The following CERS6 variants were observed in gnomAD, a reference collection of about 807,000 sequenced individuals.
CERS6 encodes the protein ceramide synthase 6, also known as LAG1 homolog, ceramide synthase 6.
CERS6 carries 26 observed loss-of-function variants against 56.8 expected under a neutral mutation model. That is an observed-to-expected ratio of 0.46 (90% CI 0.34 to 0.63). CERS6 has a LOEUF of 0.63. Among genes scored for constraint, CERS6 ranks in the 30% least tolerant of loss-of-function variants. CERS6 has a pLI of 0.01. For missense variants in CERS6, 415 were observed against 467.5 expected (o/e 0.89, Z 1.04); for synonymous variants, 164 against 173.3 (o/e 0.95, Z 0.42).
intron 3 of CERS6, among the ~76,000 whole-genome samples, chr2:168,589,249 T>C (rs535005524): frequency 1.3e-5 from 2 of 152,342 alleles, no homozygotes; most frequent in East Asian, 3.9e-4. Flanking sequence ...CTCTTTCTTT[T>C]GTAATAGACA....
chr2:168,766,434 T>C (rs1323655318), intron 9 of CERS6: 2 of 1,164,352 alleles, frequency 1.7e-6, no homozygotes, highest in Non-Finnish European at 2.6e-6. Flanking sequence ...TCCACGCATA[T>C]TGTTCTGTCT....
chr2:168,761,257 A>G (rs1159510250), intron 8 of CERS6, among the ~76,000 whole-genome samples: 1 of 152,208 alleles, frequency 6.6e-6, no homozygotes, highest in African/African-American at 2.4e-5. Flanking sequence ...CAGCATCTCA[A>G]AAGTAATCAG....
intron 2 of CERS6, among the ~76,000 whole-genome samples, chr2:168,552,889 CA>C (rs1163052982): frequency 6.6e-6 from 1 of 151,972 alleles, no homozygotes; most frequent in Non-Finnish European, 1.5e-5. Context: ...CTCCTGTTAA[CA>C]AAATTTTCAC....
At chr2:168,661,327 T>C (rs1267691837) in intron 4 of CERS6, among the ~76,000 whole-genome samples, 1 of 152,222 alleles carries the variant, frequency 6.6e-6, no homozygotes, top group Non-Finnish European at 1.5e-5. Context: ...GATTACCTGC[T>C]AGACTAGCAG....
intron 4 of CERS6, among the ~76,000 whole-genome samples, chr2:168,640,140 A>G (rs1440185596): frequency 1.3e-5 from 2 of 152,154 alleles, no homozygotes; most frequent in Non-Finnish European, 2.9e-5. Context: ...GGGTAAAGAG[A>G]GACTGCTGGA....
At chr2:168,663,104 G>A (rs570930256) in intron 4 of CERS6, among the ~76,000 whole-genome samples, 1 of 152,280 alleles carries the variant, frequency 6.6e-6, no homozygotes, top group Non-Finnish European at 1.5e-5. Context: ...CATTCATTTA[G>A]CACCATGTGG....
intron 8 of CERS6, among the ~76,000 whole-genome samples, chr2:168,764,469 G>A (rs557725232): frequency 2.6e-5 from 4 of 152,016 alleles, no homozygotes; most frequent in African/African-American, 9.7e-5. Context: ...AATCATTTTT[G>A]TCAAAAATCC....
chr2:168,679,494 G>A (rs62174390), intron 4 of CERS6, among the ~76,000 whole-genome samples: 5,366 of 152,280 alleles, frequency 0.035, 132 homozygotes, highest in East Asian at 0.14. Flanking sequence ...ATATCCAGAT[G>A]TGTCTATTAG....
At chr2:168,571,861 G>C (rs1018161875) in intron 3 of CERS6, among the ~76,000 whole-genome samples, 1 of 152,212 alleles carries the variant, frequency 6.6e-6, no homozygotes, top group Non-Finnish European at 1.5e-5. Context: ...TTACAATTCA[G>C]TTATTATTGA....
At chr2:168,479,229 G>A (rs1017571450) in intron 1 of CERS6, among the ~76,000 whole-genome samples, 2 of 152,072 alleles carry the variant, frequency 1.3e-5, no homozygotes, top group African/African-American at 4.8e-5. Context: ...AAAACTCTGA[G>A]TTAAAATAAA....
chr2:168,735,970 C>CTT (rs1230871172), intron 8 of CERS6, among the ~76,000 whole-genome samples: 1 of 151,658 alleles, frequency 6.6e-6, no homozygotes, highest in African/African-American at 2.4e-5. Flanking sequence ...CTTTGGGACA[C>CTT]TGAGGCGAAA....
chr2:168,494,111 C>G (rs1300462768), intron 1 of CERS6, among the ~76,000 whole-genome samples: 1 of 152,064 alleles, frequency 6.6e-6, no homozygotes, highest in African/African-American at 2.4e-5. Flanking sequence ...GTCCTTCACC[C>G]TTGTGTTTGT....
At chr2:168,495,604 A>G (rs1694452419) in intron 1 of CERS6, among the ~76,000 whole-genome samples, 1 of 152,182 alleles carries the variant, frequency 6.6e-6, no homozygotes, top group South Asian at 2.1e-4. Flanking sequence ...TAAGTCTTGA[A>G]CGTGGTTGGG....
chr2:168,682,986 G>GATATCTATTAT (rs1161135218), intron 4 of CERS6, among the ~76,000 whole-genome samples: 3 of 152,016 alleles, frequency 2.0e-5, no homozygotes, highest in Admixed American at 1.3e-4. Flanking sequence ...AATTATAATG[G>GATATCTATTAT]ATATCTATGT....
Position 168,470,702 on chromosome 2 carries a change from G to A in CERS6, c.170+14084G>A, listed in dbSNP as rs527697092. ...CTTGCAGAATTGCAAAGGGACTAGG[G>A]AGAGAACAAAAACAGATATGCAGGT... On this transcript the variant is annotated intron_variant, in intron 1 of 9. Transcript: ENST00000305747. Among the ~76,000 whole-genome samples, 10 of 151,500 alleles carry A rather than the reference G, an allele frequency of 6.6e-5. No homozygotes were observed. The East Asian group carries it at 1.6e-3, about 24-fold the overall frequency.
At chr2:168,690,382 A>T (rs375490307) in intron 4 of CERS6, among the ~76,000 whole-genome samples, 1 of 152,164 alleles carries the variant, frequency 6.6e-6, no homozygotes, top group African/African-American at 2.4e-5. Flanking sequence ...CCCCTCCCTG[A>T]TTATTACAAA....
intron 4 of CERS6, among the ~76,000 whole-genome samples, chr2:168,671,814 T>G (rs1371160057): frequency 6.6e-6 from 1 of 152,224 alleles, no homozygotes; most frequent in Non-Finnish European, 1.5e-5. Context: ...ATGTATTTAT[T>G]GAATAGGTGA....
At chr2:168,767,205 A>G (rs1684750639) in intron 9 of CERS6, among the ~76,000 whole-genome samples, 1 of 152,228 alleles carries the variant, frequency 6.6e-6, no homozygotes, top group Admixed American at 6.5e-5. Context: ...TCTAGATCTC[A>G]GGCTTCAGAA....
At chr2:168,603,084 T>G (rs956144310) in intron 3 of CERS6, among the ~76,000 whole-genome samples, 1 of 152,244 alleles carries the variant, frequency 6.6e-6, no homozygotes, top group Non-Finnish European at 1.5e-5. Flanking sequence ...AGCTCAGAGT[T>G]CCTGATTTCT....
Sources: allele counts gnomAD v4.1 joint callset (sites outside exome capture counted in the v4.1 genomes callset), GRCh38; gene constraint gnomAD v4.1.1; transcripts MANE v1.5; gene names NCBI Gene and HGNC (gene_info 2026-07-23, HGNC 2026-07-21).